Variants in AMMECR1L observed in about 807,000 individuals in gnomAD.
AMMECR1L encodes AMMECR1-like protein.
Under a neutral mutation model 36.8 loss-of-function variants are expected in AMMECR1L, and 4 were observed. The ratio of observed to expected loss-of-function variants is 0.11; its 90% CI spans 0.05 to 0.25. AMMECR1L has a LOEUF of 0.25. Ranked by LOEUF, AMMECR1L falls within the 10% of genes least tolerant of loss-of-function variation. The pLI is 1.00. For synonymous variants in AMMECR1L, 147 were observed against 148.0 expected, an observed-to-expected ratio of 0.99 and a Z score of 0.05; for missense variants, 232 against 392.1, an observed-to-expected ratio of 0.59 and a Z score of 3.45.
intron 2 of AMMECR1L, among the ~76,000 whole-genome samples, chr2:127,879,219 G>GT (rs1257640212): frequency 6.6e-6 from 1 of 152,240 alleles, no homozygotes; most frequent in African/African-American, 2.4e-5. Context: ...AGTGTTAGCT[G>GT]TGGGGCCTGG....
intron 2 of AMMECR1L, among the ~76,000 whole-genome samples, chr2:127,876,576 G>T (rs902218133): frequency 1.3e-5 from 2 of 152,086 alleles, no homozygotes; most frequent in Non-Finnish European, 2.9e-5. Context: ...AGAGTGCCTT[G>T]GTTTTTTAAA....
chr2:127,876,821 C>A (rs1434066236), intron 2 of AMMECR1L, among the ~76,000 whole-genome samples: 2 of 152,002 alleles, frequency 1.3e-5, no homozygotes, highest in Non-Finnish European at 2.9e-5. Context: ...AGCTTGAGAC[C>A]AGCCTGACCA....
In AMMECR1L at chr2:127,864,860, G is replaced by A. The variant is rs1056751252; in HGVS notation, c.*234C>T. ...AGTCATGGAGGAGCCCCAATCCAAC[G>A]GAACCCCATATTGAGGAAAGGCTGA... is the stretch of plus-strand genomic sequence containing the variant. On this transcript the variant is annotated 3_prime_UTR_variant, in exon 8 of 8. Transcript: ENST00000272647. 5 of 344,156 alleles carry A rather than the reference G, an allele frequency of 1.5e-5. No individual in the cohort carries two copies. The highest frequency in any genetic ancestry group is 2.7e-5 in the Non-Finnish European group (5 of 186,344). The allele number at this position is 344,156 out of a possible 1,614,324, so 21.3% of individuals were successfully genotyped here. A position where few individuals can be genotyped will look rare whatever the true frequency, so the allele number is the denominator to read the frequency against.
chr2:127,884,565 G>C (rs1573571252), intron 1 of AMMECR1L, among the ~76,000 whole-genome samples: 2 of 152,236 alleles, frequency 1.3e-5, no homozygotes, highest in East Asian at 3.9e-4. Flanking sequence ...GAGAATCAAA[G>C]GTTTTATTTA....
chr2:127,862,150 G>GA lies in AMMECR1L; in HGVS notation c.*2943dup, dbSNP rs1413695380. ...CAAGGACAATTCATAATTACAGAGA[G>GA]AATGTCCTAGCTGTGGGTATTATGA... On this transcript the variant is annotated 3_prime_UTR_variant, in exon 8 of 8. Transcript: ENST00000272647. 2.0e-5 allele frequency: 3 copies of GA among 153,652 alleles called. No homozygotes were observed. Among genetic ancestry groups the GA allele is most frequent in the Non-Finnish European group, 4.4e-5 (3 of 68,020 alleles). The allele number at this position is 153,652 out of a possible 1,614,324, so 9.5% of individuals were successfully genotyped here. A position where few individuals can be genotyped will look rare whatever the true frequency, so the allele number is the denominator to read the frequency against.
In AMMECR1L at chr2:127,865,315, G is replaced by A; in HGVS notation, c.822-110C>T. On this transcript the variant is annotated intron_variant, in intron 7 of 7. Transcript: ENST00000272647. The surrounding 1 kb of genome is among the most constrained non-coding windows in gnomAD (Gnocchi z 5.4). ...ATTCCACATTTTGAAAGAATAAAAT[G>A]GAAGACCAAGAGCAATCTTACTTAC... 3.3e-6 allele frequency: 2 copies of A among 605,802 alleles called. No individual in the cohort carries two copies. Among genetic ancestry groups the A allele is most frequent in the East Asian group, 3.1e-5 (1 of 31,998 alleles). 37.5% of individuals were successfully genotyped at this position (605,802 alleles called of 1,614,324 possible).
chr2:127,873,488 G>A lies in AMMECR1L; in HGVS notation c.407+340C>T. 1 of 985,424 alleles carries A rather than the reference G, an allele frequency of 1.0e-6. No individual in the cohort carries two copies. Among genetic ancestry groups the A allele is most frequent in the South Asian group, 4.7e-5 (1 of 21,282 alleles). 61.0% of individuals were successfully genotyped at this position (985,424 alleles called of 1,614,324 possible). A position where few individuals can be genotyped will look rare whatever the true frequency, so the allele number is the denominator to read the frequency against. ...ACTCACCTGGACTTCAACACTATGG[G>A]TGTCCCCAATGGTATGGCGTGACTT... On this transcript the variant is annotated intron_variant, in intron 3 of 7. Coordinates refer to ENST00000272647, the MANE Select transcript of AMMECR1L (RefSeq NM_001199140.2). This position sits in a 1 kb window ranked among gnomAD's most constrained non-coding sequence, Gnocchi z 5.2.
At chr2:127,866,073 A>G (rs1304496777) in intron 7 of AMMECR1L, among the ~76,000 whole-genome samples, 1 of 152,240 alleles carries the variant, frequency 6.6e-6, no homozygotes. Flanking sequence ...CAAAGCATTT[A>G]AAAAACACTG....
chr2:127,867,175 G>A, intron 6 of AMMECR1L, 179 bp from the exon 7 acceptor site: 1 of 985,498 alleles, frequency 1.0e-6, no homozygotes, highest in Non-Finnish European at 1.2e-6. Flanking sequence ...CAGTCCCGTG[G>A]AGACTCTGAG....
intron 2 of AMMECR1L, among the ~76,000 whole-genome samples, chr2:127,875,412 G>A (rs1691181607): frequency 6.6e-6 from 1 of 152,228 alleles, no homozygotes; most frequent in East Asian, 1.9e-4. Flanking sequence ...AGAGAGAGAA[G>A]AGAGATTTGC....
chr2:127,871,808 G>A lies in AMMECR1L; in HGVS notation c.408-449C>T, dbSNP rs538386988. Among the ~76,000 whole-genome samples the A allele has an allele frequency of 6.6e-6, 1 of 152,152 alleles. No individual in the cohort carries two copies. Among genetic ancestry groups the A allele is most frequent in the South Asian group, 2.1e-4 (1 of 4,830 alleles). On this transcript the variant is annotated intron_variant, in intron 3 of 7. Coordinates refer to ENST00000272647, the MANE Select transcript of AMMECR1L (RefSeq NM_001199140.2). This position sits in a 1 kb window ranked among gnomAD's most constrained non-coding sequence, Gnocchi z 4.3. ...AAACCCATGTTGCTTCCATGATCAT[G>A]TCTGCCCCTGACAACTACAAATATT... is the stretch of plus-strand genomic sequence containing the variant.
chr2:127,881,051 C>G (rs1285529305), intron 2 of AMMECR1L, among the ~76,000 whole-genome samples: 4 of 152,040 alleles, frequency 2.6e-5, no homozygotes, highest in Non-Finnish European at 4.4e-5. Context: ...CCAATGTATG[C>G]TGGTAGCTGT....
At chr2:127,876,898 T>C (rs558244790) in intron 2 of AMMECR1L, among the ~76,000 whole-genome samples, 2 of 151,882 alleles carry the variant, frequency 1.3e-5, no homozygotes, top group Admixed American at 6.6e-5. Flanking sequence ...ATGCCTGTAA[T>C]CCTAGCTACC....
At chr2:127,867,036 C>G in intron 6 of AMMECR1L, 40 bp from the exon 7 acceptor site, 1 of 1,612,154 alleles carries the variant, frequency 6.2e-7, no homozygotes, top group Non-Finnish European at 8.5e-7. Context: ...AATGCACATG[C>G]AAGAGTAAGG....
rs747870394 is a variant in AMMECR1L at position 127,871,251 on chromosome 2, G to C, written c.516C>G (p.Thr172=). ...LHSGLREYTL[T]SALKDSRFPP... ...TTCTTAATGTCTGGTGTCATTACCT[G>C]GTTAACGTGTATTCCCTGAGTCCTG... The change falls in exon 4 of 8, where the codon ACC becomes ACG. Residue 172 remains threonine (T), a splice_region_variant and synonymous_variant. Coordinates refer to ENST00000272647, the MANE Select transcript of AMMECR1L (RefSeq NM_001199140.2). This position sits in a 1 kb window ranked among gnomAD's most constrained non-coding sequence, Gnocchi z 4.3. The C allele has an allele frequency of 1.9e-6, 3 of 1,613,764 alleles. No individual in the cohort carries two copies. The highest frequency in any genetic ancestry group is 2.7e-5 in the African/African-American group (2 of 74,882).
At chr2:127,867,753 A>C (rs1216467847) in intron 6 of AMMECR1L, among the ~76,000 whole-genome samples, 1 of 152,104 alleles carries the variant, frequency 6.6e-6, no homozygotes, top group Non-Finnish European at 1.5e-5. Context: ...CTTAAGGAAG[A>C]AATAAAAAGG....
At chr2:127,867,348 T>C (rs1690735962) in intron 6 of AMMECR1L, 1 of 972,370 alleles carries the variant, frequency 1.0e-6, no homozygotes, top group African/African-American at 1.8e-5. Context: ...GGCTGCTCTG[T>C]GGGAAGAGAG....
intron 2 of AMMECR1L, among the ~76,000 whole-genome samples, chr2:127,875,849 A>G (rs1055263534): frequency 2.0e-5 from 3 of 151,920 alleles, no homozygotes; most frequent in African/African-American, 7.3e-5. Context: ...CCTGGAGTGC[A>G]GTGGCACAAT....
chr2:127,882,473 C>A (rs1355061405), intron 2 of AMMECR1L, among the ~76,000 whole-genome samples: 2 of 152,172 alleles, frequency 1.3e-5, no homozygotes, highest in Non-Finnish European at 2.9e-5. Context: ...CAGAAAAACC[C>A]ACATACATTC....
Sources: gnomAD v4.1 joint callset for allele counts (sites outside exome capture counted in the v4.1 genomes callset) on GRCh38, gnomAD v4.1.1 for gene constraint, Gnocchi (gnomAD v3.1) non-coding constraint, MANE v1.5 for transcripts, NCBI Gene and HGNC (gene_info 2026-07-23, HGNC 2026-07-21) for gene names.